The following OTOL1 variants were observed in gnomAD, a reference collection of about 807,000 sequenced individuals.
The protein encoded by OTOL1 is otolin 1, also known as otolin-1.
A neutral mutation model predicts 25.0 loss-of-function variants in OTOL1; 31 were observed. The ratio of observed to expected loss-of-function variants is 1.24; its 90% CI spans 0.93 to 1.67. OTOL1 has a LOEUF of 1.67. Ranked by LOEUF, OTOL1 falls within the 40% of genes most tolerant of loss-of-function variation. The pLI is 0.00. For synonymous variants in OTOL1, 225 were observed against 210.3 expected (o/e 1.07, Z -0.61); for missense variants, 654 against 587.7 (o/e 1.11, Z -1.17).
At position 161,503,367 on chromosome 3, in the gene OTOL1, G is replaced by A; in HGVS notation, c.859G>A (p.Gly287Ser). The A allele has an allele frequency of 6.2e-7, 1 of 1,604,930 alleles. No individual in the cohort carries two copies. The highest frequency in any genetic ancestry group is 8.5e-7 in the Non-Finnish European group (1 of 1,175,672). Reference protein sequence around the residue: ...SGRNGLPGAKGDPGIKGEKGE... With the variant: ...SGRNGLPGAKSDPGIKGEKGE... ...CCGTAATGGTCTGCCTGGGGCCAAA[G>A]GTGATCCAGGGATTAAAGGAGAAAA... The change falls in exon 4 of 4, where the codon GGT (glycine) becomes AGT (serine). Residue 287 changes from glycine (G) to serine (S), a missense_variant. Transcript: ENST00000327928.
rs762242016 is a variant in OTOL1 at position 161,496,893 on chromosome 3, C to A, written c.86C>A (p.Thr29Asn). The change falls in exon 1 of 4, where the codon ACC (threonine) becomes AAC (asparagine). Residue 29 changes from threonine (T) to asparagine (N), a missense_variant. Coordinates refer to ENST00000327928, the MANE Select transcript of OTOL1 (RefSeq NM_001080440.1). ...ACAATAGCAAAGACCACACCACATA[C>A]CAAATTTACGAAGAAATCTGAGGAA... ...MNTIAKTTPHTKFTKKSEERE... is the reference protein window; with the variant it reads ...MNTIAKTTPHNKFTKKSEERE... 3 of 1,613,154 alleles carry A rather than the reference C, an allele frequency of 1.9e-6. No individual in the cohort carries two copies. Among genetic ancestry groups the A allele is most frequent in the Non-Finnish European group, 2.5e-6 (3 of 1,179,484 alleles).
chr3:161,497,667 A>G lies in OTOL1; in HGVS notation c.364+496A>G, dbSNP rs961506598. Among the ~76,000 whole-genome samples, 5 of 152,090 alleles carry G rather than the reference A, an allele frequency of 3.3e-5. No homozygotes were observed. The East Asian group carries it at 9.6e-4, about 29-fold the overall frequency. ...GATGGATTTTCTGAGTGCTATTTGT[A>G]GTTAGGATTAGAAATGGAATGGCTC... On this transcript the variant is annotated intron_variant, in intron 1 of 3. Coordinates refer to ENST00000327928, the MANE Select transcript of OTOL1 (RefSeq NM_001080440.1).
intron 2 of OTOL1, among the ~76,000 whole-genome samples, chr3:161,499,900 T>C (rs1257889972): frequency 1.3e-5 from 2 of 152,184 alleles, no homozygotes; most frequent in Non-Finnish European, 2.9e-5. Flanking sequence ...AGATTTGTAG[T>C]TATGAGTGGC....
chr3:161,496,815 T>C lies in OTOL1; in HGVS notation c.8T>C (p.Met3Thr), dbSNP rs561705673. The change falls in exon 1 of 4, where the codon ATG (methionine) becomes ACG (threonine). Residue 3 changes from methionine to threonine, a missense_variant. Transcript: ENST00000327928. MWMFSWLCAILII... is the reference protein window; with the variant it reads MWTFSWLCAILII... ...TTTCTTCCAGCTTCAAATATGTGGA[T>C]GTTTTCTTGGCTTTGTGCTATTTTA... 3.8e-6 allele frequency: 6 copies of C among 1,568,552 alleles called. No individual in the cohort carries two copies. In the South Asian group the frequency reaches 7.2e-5, roughly 19 times the overall value.
intron 2 of OTOL1, 32 bp from the exon 3 acceptor site, chr3:161,502,275 T>C: frequency 6.4e-7 from 1 of 1,558,802 alleles, no homozygotes; most frequent in Non-Finnish European, 8.8e-7. Flanking sequence ...AATGATGTAG[T>C]TGGTAAAAAG....
intron 2 of OTOL1, 83 bp from the exon 3 acceptor site, chr3:161,502,224 G>A: frequency 2.3e-6 from 3 of 1,286,580 alleles, no homozygotes; most frequent in Non-Finnish European, 3.3e-6. Context: ...GAAAACACTA[G>A]AATGTGACAT....
intron 1 of OTOL1, among the ~76,000 whole-genome samples, chr3:161,498,202 G>A (rs1576945564): frequency 6.6e-6 from 1 of 152,200 alleles, no homozygotes; most frequent in African/African-American, 2.4e-5. Context: ...CTGCTTGGCG[G>A]TGAAAATCCC....
At chr3:161,501,878 A>AT (rs963169555) in intron 2 of OTOL1, among the ~76,000 whole-genome samples, 5 of 151,692 alleles carry the variant, frequency 3.3e-5, no homozygotes, top group African/African-American at 4.8e-5. Flanking sequence ...CCCTCAATAC[A>AT]TTTTTTTTGA....
intron 2 of OTOL1, 94 bp downstream of exon 2, chr3:161,499,354 A>T (rs1358812600): frequency 4.6e-6 from 4 of 870,310 alleles, no homozygotes. Context: ...CTTGCAGATG[A>T]GTCAATTTTA....
At chr3:161,501,236 C>A (rs922665392) in intron 2 of OTOL1, among the ~76,000 whole-genome samples, 18 of 151,438 alleles carry the variant, frequency 1.2e-4, no homozygotes, top group Non-Finnish European at 2.4e-4. Context: ...GTGTTAATGT[C>A]AAGTAAAAAT....
At chr3:161,498,906 G>A (rs1363687832) in intron 1 of OTOL1, among the ~76,000 whole-genome samples, 1 of 152,158 alleles carries the variant, frequency 6.6e-6, no homozygotes, top group Non-Finnish European at 1.5e-5. Context: ...GTTTGATATA[G>A]TGCTGCTTCC....
At chr3:161,501,138 G>A (rs999323015) in intron 2 of OTOL1, among the ~76,000 whole-genome samples, 1 of 152,212 alleles carries the variant, frequency 6.6e-6, no homozygotes, top group East Asian at 1.9e-4. Context: ...TTCTTGAAGG[G>A]CAGGTGCTAT....
chr3:161,497,243 A>G (rs1442624253), intron 1 of OTOL1, 72 bp downstream of exon 1: 22 of 1,515,570 alleles, frequency 1.5e-5, no homozygotes, highest in Non-Finnish European at 1.9e-5. Flanking sequence ...TTGTCGGGTG[A>G]AATTGCCCCA....
chr3:161,499,094 G>T, intron 1 of OTOL1, 77 bp from the exon 2 acceptor site: 1 of 1,141,086 alleles, frequency 8.8e-7, no homozygotes, highest in Non-Finnish European at 1.3e-6. Flanking sequence ...GCAGTAAAAT[G>T]CTTTTTTTCT....
rs779028152 is a variant in OTOL1 at position 161,503,503 on chromosome 3, G to C, written c.995G>C (p.Gly332Ala). 6 of 1,613,658 alleles carry C rather than the reference G, an allele frequency of 3.7e-6. No individual in the cohort carries two copies. The highest frequency in any genetic ancestry group is 2.2e-5 in the East Asian group (1 of 44,864). ...AAGAAGGGCTCTCGGGGCTTTAAAG[G>C]CTCCAAGGGTGAGTTGGCTAGAGTG... ...TGKKGSRGFK[G>A]SKGELARVPR... The change falls in exon 4 of 4, where the codon GGC becomes GCC. Residue 332 changes from glycine to alanine, a missense_variant. Physicochemically the swap from Gly to Ala is moderately conservative, Grantham distance 60 (BLOSUM62 0). Transcript: ENST00000327928.
chr3:161,497,708 A>T (rs1397212955), intron 1 of OTOL1, among the ~76,000 whole-genome samples: 1 of 152,136 alleles, frequency 6.6e-6, no homozygotes, highest in African/African-American at 2.4e-5. Context: ...TGGAGAATAA[A>T]GCTTAGGATT....
At chr3:161,499,707 A>G (rs1718925800) in intron 2 of OTOL1, among the ~76,000 whole-genome samples, 1 of 152,182 alleles carries the variant, frequency 6.6e-6, no homozygotes, top group Non-Finnish European at 1.5e-5. Flanking sequence ...CCTGCTAAGA[A>G]GAATTTAATA....
At position 161,503,600 on chromosome 3, in the gene OTOL1, G is replaced by A. The variant is rs1368334027; in HGVS notation, c.1092G>A (p.Lys364=). The A allele has an allele frequency of 6.2e-7, 1 of 1,613,726 alleles. No individual in the cohort carries two copies. Among genetic ancestry groups the A allele is most frequent in the Non-Finnish European group, 8.5e-7 (1 of 1,179,862 alleles). The change falls in exon 4 of 4, where the codon AAG becomes AAA. Residue 364 remains lysine (K), a synonymous_variant. Transcript: ENST00000327928. The part of the protein sequence containing the change: ...PPPNIPIKFE[K]ILYNDQGNYS... ...CTAACATCCCCATCAAATTTGAAAA[G>A]ATTCTCTATAATGACCAAGGGAATT...
chr3:161,503,815 G>A lies in OTOL1; in HGVS notation c.1307G>A (p.Ser436Asn), dbSNP rs756885153. The A allele has an allele frequency of 6.2e-7, 1 of 1,613,912 alleles. No homozygotes were observed. ...QASLLVILKLSAGDQVWLEVS... is the reference protein window; with the variant it reads ...QASLLVILKLNAGDQVWLEVS... Reference sequence around the variant, plus strand: ...TCTCTCCTCGTCATCTTGAAATTAAGTGCAGGAGACCAAGTCTGGCTTGAG... The same window carrying A: ...TCTCTCCTCGTCATCTTGAAATTAAATGCAGGAGACCAAGTCTGGCTTGAG... Residue 436 changes from serine to asparagine, a missense_variant, in exon 4 of 4, where the codon AGT becomes AAT. Coordinates refer to ENST00000327928, the MANE Select transcript of OTOL1 (RefSeq NM_001080440.1).
Sources: allele counts gnomAD v4.1 joint callset (sites outside exome capture counted in the v4.1 genomes callset), GRCh38; gene constraint gnomAD v4.1.1; transcripts MANE v1.5; gene names NCBI Gene and HGNC (gene_info 2026-07-23, HGNC 2026-07-21).